Variants in R3HCC1L observed in about 807,000 individuals in gnomAD.
R3HCC1L encodes coiled-coil domain-containing protein R3HCC1L.
Under a neutral mutation model 59.9 loss-of-function variants are expected in R3HCC1L, and 51 were observed. The ratio of observed to expected loss-of-function variants is 0.85; its 90% CI spans 0.68 to 1.07. The LOEUF is 1.07. Among genes scored for constraint, R3HCC1L ranks in the 50% least tolerant of loss-of-function variants. The probability of loss-of-function intolerance (pLI) is 0.00; values close to 1 mark genes in which losing one functional copy is unlikely to be tolerated. For missense variants in R3HCC1L, 965 were observed against 933.0 expected (o/e 1.03, Z -0.45); for synonymous variants, 322 against 315.2 (o/e 1.02, Z -0.23).
chr10:98,195,884 A>C (rs1239102055), intron 4 of R3HCC1L, among the ~76,000 whole-genome samples: 1 of 152,222 alleles, frequency 6.6e-6, no homozygotes, highest in Non-Finnish European at 1.5e-5. Flanking sequence ...ACTATTGCTA[A>C]AGAAGCAGAG....
At chr10:98,228,580 T>G (rs1344134984) in intron 5 of R3HCC1L, among the ~76,000 whole-genome samples, 1 of 152,218 alleles carries the variant, frequency 6.6e-6, no homozygotes, top group Non-Finnish European at 1.5e-5. Flanking sequence ...AGAAGATCTT[T>G]AGTTTAATTA....
At position 98,236,026 on chromosome 10, in the gene R3HCC1L, T is replaced by C; in HGVS notation, c.2131T>C (p.Phe711Leu). The change falls in exon 9 of 10, where the codon TTC becomes CTC. Residue 711 changes from phenylalanine to leucine, a missense_variant and splice_region_variant. Coordinates refer to ENST00000298999, the MANE Select transcript of R3HCC1L (RefSeq NM_001351015.2). ...AKAKARAYAE[F>L]LQPAKERPET... ...CTCCCTTCCTTTCTTCGATTCAGAGTTCCTCCAGCCAGCAAAGGAGCGTCC... is the reference window on the plus strand; with the variant it reads ...CTCCCTTCCTTTCTTCGATTCAGAGCTCCTCCAGCCAGCAAAGGAGCGTCC... 5.6e-6 allele frequency: 9 copies of C among 1,613,062 alleles called. No individual in the cohort carries two copies. The highest frequency in any genetic ancestry group is 7.6e-6 in the Non-Finnish European group (9 of 1,179,284).
Position 98,154,306 on chromosome 10 carries a change from A to G in R3HCC1L, c.-267-1787A>G, listed in dbSNP as rs188172768. Among the ~76,000 whole-genome samples the G allele has an allele frequency of 1.5e-4, 23 of 151,732 alleles. No homozygotes were observed. In the East Asian group the frequency reaches 4.5e-3, roughly 29 times the overall value. On this transcript the variant is annotated intron_variant, in intron 1 of 9. Transcript: ENST00000298999. ...GGTGTATCCAGCGTGTACACGTGTCATTTTATTACCCTTTGTGGGCATGCT... is the reference window on the plus strand; with the variant it reads ...GGTGTATCCAGCGTGTACACGTGTCGTTTTATTACCCTTTGTGGGCATGCT...
intron 1 of R3HCC1L, among the ~76,000 whole-genome samples, chr10:98,142,076 G>C (rs372194237): frequency 6.6e-6 from 1 of 152,164 alleles, no homozygotes; most frequent in Non-Finnish European, 1.5e-5. Flanking sequence ...TACTAAACTT[G>C]TAAAAACTTT....
At chr10:98,207,998 C>G (rs975201254) in intron 4 of R3HCC1L, 103 bp from the exon 5 acceptor site, 4 of 1,097,644 alleles carry the variant, frequency 3.6e-6, no homozygotes, top group Admixed American at 2.9e-5. Flanking sequence ...GTACTCTAGC[C>G]TGGGTGACAG....
chr10:98,213,226 TC>T (rs1221390449), intron 5 of R3HCC1L, among the ~76,000 whole-genome samples: 5 of 152,166 alleles, frequency 3.3e-5, no homozygotes, highest in Non-Finnish European at 5.9e-5. Context: ...CCATCACCTT[TC>T]AGTTGAATAG....
intron 6 of R3HCC1L, 90 bp downstream of exon 6, chr10:98,231,777 T>G: frequency 7.6e-7 from 1 of 1,315,724 alleles, no homozygotes; most frequent in Non-Finnish European, 1.0e-6. Flanking sequence ...GTTTTTTATA[T>G]CCCGTTTTTC....
chr10:98,175,082 G>A (rs1848877439), intron 4 of R3HCC1L, among the ~76,000 whole-genome samples: 1 of 152,142 alleles, frequency 6.6e-6, no homozygotes, highest in African/African-American at 2.4e-5. Flanking sequence ...CGCGTGCAAA[G>A]TTGAGTAAGT....
chr10:98,149,285 G>A (rs970578806), intron 1 of R3HCC1L, among the ~76,000 whole-genome samples: 4 of 151,846 alleles, frequency 2.6e-5, no homozygotes, highest in East Asian at 1.9e-4. Context: ...AAGTTTTGTC[G>A]ATTTTGTTTC....
intron 5 of R3HCC1L, among the ~76,000 whole-genome samples, chr10:98,230,064 A>C (rs1462316466): frequency 2.6e-5 from 4 of 152,142 alleles, no homozygotes; most frequent in Non-Finnish European, 4.4e-5. Context: ...TGTCTCTGCC[A>C]GGCTTTGGTA....
intron 5 of R3HCC1L, among the ~76,000 whole-genome samples, chr10:98,229,944 G>A (rs1486827698): frequency 3.3e-5 from 5 of 152,164 alleles, no homozygotes; most frequent in African/African-American, 1.2e-4. Context: ...CTTGATCATG[G>A]TGGATAAGCT....
Position 98,209,669 on chromosome 10 carries a change from T to C in R3HCC1L, c.1555T>C (p.Leu519=). ...LGSTGDTTEA[L]HELRTAEEFK... is the part of the protein sequence containing the mutation. ...TAGTACTGGTGATACAACAGAAGCA[T>C]TGCACGAACTAAGAACTGCCGAAGA... Residue 519 remains leucine, a synonymous_variant, in exon 5 of 10, where the codon TTG becomes CTG. Transcript: ENST00000298999. The C allele has an allele frequency of 1.2e-6, 2 of 1,613,988 alleles. No individual in the cohort carries two copies. The highest frequency in any genetic ancestry group is 1.7e-6 in the Non-Finnish European group (2 of 1,179,928).
At chr10:98,177,489 A>ATATG (rs1491452728) in intron 4 of R3HCC1L, among the ~76,000 whole-genome samples, 1 of 152,214 alleles carries the variant, frequency 6.6e-6, no homozygotes, top group African/African-American at 2.4e-5. Flanking sequence ...CTCAATAAAC[A>ATATG]TATGTATGCA....
chr10:98,151,953 CTT>C (rs1305538433), intron 1 of R3HCC1L, among the ~76,000 whole-genome samples: 2 of 152,082 alleles, frequency 1.3e-5, no homozygotes, highest in Non-Finnish European at 2.9e-5. Flanking sequence ...CTCTCCCTCT[CTT>C]TCCACGGTCT....
At chr10:98,189,674 G>A (rs1250745395) in intron 4 of R3HCC1L, among the ~76,000 whole-genome samples, 2 of 152,178 alleles carry the variant, frequency 1.3e-5, no homozygotes, top group African/African-American at 4.8e-5. Flanking sequence ...GTGTTTTCAA[G>A]TGTGAAATAT....
chr10:98,208,135 A>C lies in R3HCC1L; in HGVS notation c.21A>C (p.Arg7Ser), dbSNP rs537212901. The change falls in exon 5 of 10, where the codon AGA (arginine) becomes AGC (serine). Residue 7 changes from arginine to serine, a missense_variant. Coordinates refer to ENST00000298999, the MANE Select transcript of R3HCC1L (RefSeq NM_001351015.2). ...GTGCCATGCAGCAAGAATCAGAGAG[A>C]TGCAGAGTTAGAGCCAGAAGGCCTG... MQQESE[R>S]CRVRARRPDM... 6.2e-7 allele frequency: 1 copy of C among 1,612,172 alleles called. No individual in the cohort carries two copies. Among genetic ancestry groups the C allele is most frequent in the South Asian group, 1.1e-5 (1 of 90,676 alleles).
At chr10:98,159,206 A>AT (rs1334922576) in intron 2 of R3HCC1L, among the ~76,000 whole-genome samples, 1 of 152,154 alleles carries the variant, frequency 6.6e-6, no homozygotes, top group African/African-American at 2.4e-5. Context: ...AAGGTTATTC[A>AT]TTTTTGGCAG....
chr10:98,162,339 T>A (rs1564632366), intron 2 of R3HCC1L, among the ~76,000 whole-genome samples: 1 of 152,204 alleles, frequency 6.6e-6, no homozygotes, highest in African/African-American at 2.4e-5. Context: ...ATCAAAGGTC[T>A]TTTGACACAT....
At chr10:98,156,628 T>A (rs1471792218) in intron 2 of R3HCC1L, among the ~76,000 whole-genome samples, 1 of 152,032 alleles carries the variant, frequency 6.6e-6, no homozygotes, top group Non-Finnish European at 1.5e-5. Context: ...GATTAGAAAA[T>A]TTTAAGAGGC....
Sources: allele counts gnomAD v4.1 joint callset (sites outside exome capture counted in the v4.1 genomes callset), GRCh38; gene constraint gnomAD v4.1.1; transcripts MANE v1.5; gene names NCBI Gene and HGNC (gene_info 2026-07-23, HGNC 2026-07-21).